The following COL10A1 variants were observed in gnomAD, a reference collection of about 807,000 sequenced individuals.
COL10A1 encodes the protein collagen alpha-1(X) chain.
Under a neutral mutation model 18.2 loss-of-function variants are expected in COL10A1, and 10 were observed. The ratio of observed to expected loss-of-function variants is 0.55; its 90% CI spans 0.34 to 0.93. COL10A1 has a LOEUF of 0.93. Among genes scored for constraint, COL10A1 ranks in the 40% least tolerant of loss-of-function variants. The probability of loss-of-function intolerance (pLI) is 0.02; values close to 1 mark genes in which losing one functional copy is unlikely to be tolerated. For missense variants in COL10A1, 897 were observed against 853.5 expected (o/e 1.05, Z -0.64); for synonymous variants, 330 against 316.6 (o/e 1.04, Z -0.45).
At chr6:116,200,723 G>A in the COL10A1 span, among the ~76,000 whole-genome samples, 1 of 151,860 alleles carries the variant, frequency 6.6e-6, no homozygotes, top group African/African-American at 2.4e-5. Context: ...ATGTCCTTAT[G>A]GATCGTACTT....
the COL10A1 span, among the ~76,000 whole-genome samples, chr6:116,165,098 G>GAA: frequency 0.044 from 4,401 of 100,996 alleles, 185 homozygotes; most frequent in African/African-American, 0.093. Context: ...CTCCGTCTCA[G>GAA]AAAAAAAAAA....
chr6:116,195,461 C>T, the COL10A1 span, among the ~76,000 whole-genome samples: 1 of 151,664 alleles, frequency 6.6e-6, no homozygotes, highest in Admixed American at 6.6e-5. Flanking sequence ...TGGTCATGGC[C>T]AAATTGTGAC....
upstream of COL10A1, chr6:116,158,775 G>A (rs994718985): frequency 2.0e-5 from 3 of 152,130 alleles, no homozygotes; most frequent in Admixed American, 6.5e-5. Flanking sequence ...GCTTTTTGGG[G>A]GTTGCTTTTG....
At chr6:116,197,229 T>C in the COL10A1 span, among the ~76,000 whole-genome samples, 1 of 152,000 alleles carries the variant, frequency 6.6e-6, no homozygotes, top group Admixed American at 6.6e-5. Context: ...CTGCTTTGCC[T>C]GGTTAATGAT....
chr6:116,193,278 T>C, the COL10A1 span, among the ~76,000 whole-genome samples: 1 of 152,094 alleles, frequency 6.6e-6, no homozygotes, highest in East Asian at 1.9e-4. Flanking sequence ...GGAGATATTG[T>C]GCTTTCCTTA....
chr6:116,145,941 A>G lies in COL10A1; in HGVS notation c.-16+12673T>C, dbSNP rs139137397. 3.4e-3 allele frequency among the ~76,000 whole-genome samples: 511 copies of G among 152,334 alleles called. 11 individuals are homozygous for G. In the South Asian group the frequency reaches 0.043, roughly 13 times the overall value. ...TCTTTGGTAACTCTTTCAATTTGGT[A>G]TGCAGTCTAGTGTTTGTACAGAGCA... On this transcript the variant is annotated intron_variant, in intron 1 of 1. Coordinates refer to the COL10A1 transcript ENST00000418500.
the COL10A1 span, among the ~76,000 whole-genome samples, chr6:116,171,636 G>A: frequency 6.6e-6 from 1 of 152,126 alleles, no homozygotes; most frequent in Non-Finnish European, 1.5e-5. Flanking sequence ...TATTTGACTT[G>A]GCTGAATTCT....
chr6:116,178,086 T>C, the COL10A1 span, among the ~76,000 whole-genome samples: 293 of 77,576 alleles, frequency 3.8e-3, 2 homozygotes, highest in African/African-American at 0.016. Flanking sequence ...TGTGTGTGTG[T>C]GTGCGCGCGC....
chr6:116,123,614 ACT>A (rs879309239), intron 2 of COL10A1, among the ~76,000 whole-genome samples: 1 of 151,998 alleles, frequency 6.6e-6, no homozygotes, highest in Admixed American at 6.6e-5. Context: ...TTATGTAATA[ACT>A]CTTTGAATTC....
intron 1 of COL10A1, among the ~76,000 whole-genome samples, chr6:116,147,999 T>TGG (rs1209875191): frequency 7.1e-6 from 1 of 141,362 alleles, no homozygotes; most frequent in African/African-American, 2.6e-5. Flanking sequence ...AAAAAAAAGG[T>TGG]GGGGGGGGTT....
chr6:116,134,009 A>C (rs1779529837), intron 1 of COL10A1, among the ~76,000 whole-genome samples: 1 of 152,204 alleles, frequency 6.6e-6, no homozygotes, highest in African/African-American at 2.4e-5. Flanking sequence ...CTTGCCACTT[A>C]TGATGCTAAT....
At chr6:116,194,653 T>C in the COL10A1 span, among the ~76,000 whole-genome samples, 1 of 152,160 alleles carries the variant, frequency 6.6e-6, no homozygotes, top group African/African-American at 2.4e-5. Context: ...TATTTCTTAA[T>C]GGGAAGTCAG....
chr6:116,146,097 G>A lies in COL10A1; in HGVS notation c.-16+12517C>T, dbSNP rs141270398. Among the ~76,000 whole-genome samples the A allele has an allele frequency of 1.9e-3, 292 of 152,274 alleles. 4 individuals carry two copies. The highest frequency in any genetic ancestry group is 6.5e-3 in the African/African-American group (268 of 41,538). ...AGCCATGTGTCCCACAGCCTGACTT[G>A]TTGATTATGGTTACAGTTAATACTA... On this transcript the variant is annotated intron_variant, in intron 1 of 1. Transcript: ENST00000418500.
chr6:116,145,881 G>A (rs1349816345), intron 1 of COL10A1, among the ~76,000 whole-genome samples: 1 of 152,164 alleles, frequency 6.6e-6, no homozygotes, highest in Non-Finnish European at 1.5e-5. Context: ...TAACATTTAT[G>A]TGATGGTATT....
chr6:116,199,545 T>C, the COL10A1 span, among the ~76,000 whole-genome samples: 1 of 152,122 alleles, frequency 6.6e-6, no homozygotes, highest in Non-Finnish European at 1.5e-5. Flanking sequence ...GATCTTAGTT[T>C]CTAACGCCAT....
At chr6:116,213,864 A>G in the COL10A1 span, among the ~76,000 whole-genome samples, 1 of 151,912 alleles carries the variant, frequency 6.6e-6, no homozygotes, top group Non-Finnish European at 1.5e-5. Context: ...CTTATTGGGG[A>G]TTTTGTGCCA....
At chr6:116,207,430 A>G in the COL10A1 span, among the ~76,000 whole-genome samples, 410 of 152,070 alleles carry the variant, frequency 2.7e-3, 2 homozygotes, top group African/African-American at 9.6e-3. Context: ...TCCATATTAT[A>G]TAGGTAAAGA....
At chr6:116,180,152 A>G in the COL10A1 span, among the ~76,000 whole-genome samples, 1 of 152,076 alleles carries the variant, frequency 6.6e-6, no homozygotes, top group African/African-American at 2.4e-5. Context: ...GGCATATATT[A>G]TTTTAATTAC....
chr6:116,127,419 T>G (rs990191985), upstream of COL10A1, among the ~76,000 whole-genome samples: 1 of 152,174 alleles, frequency 6.6e-6, no homozygotes, highest in African/African-American at 2.4e-5. Flanking sequence ...TGTATATATC[T>G]CTGTATAATA....
Sources: gnomAD v4.1 joint callset for allele counts (sites outside exome capture counted in the v4.1 genomes callset) on GRCh38, gnomAD v4.1.1 for gene constraint, MANE v1.5 for transcripts, NCBI Gene and HGNC (gene_info 2026-07-23, HGNC 2026-07-21) for gene names.